Variants in PPP1R12A observed in about 807,000 individuals in gnomAD.
PPP1R12A encodes the protein myosin binding subunit.
Under a neutral mutation model 139.6 loss-of-function variants are expected in PPP1R12A, and 19 were observed. The observed-to-expected ratio is 0.14, with a 90% CI of 0.09 to 0.20. PPP1R12A has a LOEUF of 0.20. Among genes scored for constraint, PPP1R12A ranks in the 10% least tolerant of loss-of-function variants. PPP1R12A has a pLI of 1.00. For missense variants in PPP1R12A, 925 were observed against 1,211.5 expected (o/e 0.76, Z 3.51); for synonymous variants, 427 against 420.6 (o/e 1.02, Z -0.19).
chr12:79,898,176 G>A (rs750970002), intron 1 of PPP1R12A, among the ~76,000 whole-genome samples: 5 of 152,158 alleles, frequency 3.3e-5, no homozygotes, highest in South Asian at 2.1e-4. Context: ...CTGGCCGGGC[G>A]CGGTGGCTCA....
Position 79,906,911 on chromosome 12 carries a change from A to G in PPP1R12A, c.237+27784T>C, listed in dbSNP as rs367628009. On this transcript the variant is annotated intron_variant, in intron 1 of 24. Transcript: ENST00000450142. The stretch of plus-strand genomic sequence containing the variant: ...TTTGCCCGCCTCGGCCTCCCGAGGC[A>G]GGCAAATTACAGTGCTAGGATTACA... Among the ~76,000 whole-genome samples the G allele has an allele frequency of 1.5e-3, 231 of 152,292 alleles. 1 individual carries two copies. In the East Asian group the frequency reaches 0.016, roughly 11 times the overall value.
rs760432462 is a variant in PPP1R12A, at chr12:79,806,316, C to T, written c.1673G>A (p.Arg558Lys). Residue 558 changes from arginine (R) to lysine (K), a missense_variant, in exon 13 of 25, where the codon AGA becomes AAA. By Grantham distance (26) the Arg-to-Lys change is conservative. Around this residue, in one of 4 missense-constraint regions of PPP1R12A, gnomAD observed 403 missense variants for 463.7 expected, o/e 0.87. Coordinates refer to ENST00000450142, the MANE Select transcript of PPP1R12A (RefSeq NM_002480.3). The part of the protein sequence containing the change: ...TYHKSCSFGR[R>K]QDDLISSSVP... Reference sequence around the variant, plus strand: ...ACTAGAACTAATCAAATCATCTTGTCTTCTACCAAAGGAGCAACTAAACAA... The same window carrying T: ...ACTAGAACTAATCAAATCATCTTGTTTTCTACCAAAGGAGCAACTAAACAA... 6.2e-6 allele frequency: 10 copies of T among 1,613,442 alleles called. No individual in the cohort carries two copies. The highest frequency in any genetic ancestry group is 8.5e-6 in the Non-Finnish European group (10 of 1,179,612).
chr12:79,875,262 A>T (rs1882989792), intron 1 of PPP1R12A, among the ~76,000 whole-genome samples: 1 of 152,126 alleles, frequency 6.6e-6, no homozygotes, highest in African/African-American at 2.4e-5. Flanking sequence ...TCATCATCAT[A>T]TTGTCCCTCC....
chr12:79,837,345 T>C (rs2137174756), intron 3 of PPP1R12A, among the ~76,000 whole-genome samples: 1 of 152,196 alleles, frequency 6.6e-6, no homozygotes, highest in South Asian at 2.1e-4. Flanking sequence ...AATTAATGTG[T>C]CCCTAGATAA....
chr12:79,884,025 T>C (rs375593477), intron 1 of PPP1R12A, among the ~76,000 whole-genome samples: 17 of 152,302 alleles, frequency 1.1e-4, no homozygotes, highest in African/African-American at 4.1e-4. Context: ...AGGTGATTCA[T>C]ATATTTGAGT....
At chr12:79,919,278 C>T (rs1038254473) in intron 1 of PPP1R12A, among the ~76,000 whole-genome samples, 2 of 151,916 alleles carry the variant, frequency 1.3e-5, no homozygotes, top group East Asian at 2.0e-4. Flanking sequence ...TCTTCTCAGC[C>T]GGGCGCGGTG....
chr12:79,909,922 A>G (rs1053130214), intron 1 of PPP1R12A, among the ~76,000 whole-genome samples: 14 of 150,756 alleles, frequency 9.3e-5, no homozygotes, highest in Non-Finnish European at 2.1e-4. Context: ...GGCTGTTTTA[A>G]CTCCTGACCT....
intron 17 of PPP1R12A, among the ~76,000 whole-genome samples, chr12:79,796,288 G>T (rs1872505244): frequency 2.0e-5 from 3 of 151,996 alleles, no homozygotes; most frequent in Admixed American, 6.6e-5. Flanking sequence ...ATAGGAAATG[G>T]TAATGAGTAT....
At chr12:79,777,400 A>G in intron 24 of PPP1R12A, 1 of 984,722 alleles carries the variant, frequency 1.0e-6, no homozygotes, top group South Asian at 4.7e-5. Context: ...ATAATTAGTT[A>G]TATGATATGC....
chr12:79,785,220 A>G (rs190464424), intron 22 of PPP1R12A, among the ~76,000 whole-genome samples: 19 of 152,312 alleles, frequency 1.2e-4, no homozygotes, highest in Non-Finnish European at 2.5e-4. Context: ...TATGAAACCT[A>G]TTCTTGTTCT....
intron 1 of PPP1R12A, among the ~76,000 whole-genome samples, chr12:79,920,483 T>G (rs553081857): frequency 6.6e-6 from 1 of 152,188 alleles, no homozygotes; most frequent in Non-Finnish European, 1.5e-5. Flanking sequence ...CAGCAGTGCA[T>G]GAGGGTTCCA....
chr12:79,912,451 G>A (rs566075618), intron 1 of PPP1R12A, among the ~76,000 whole-genome samples: 119 of 152,170 alleles, frequency 7.8e-4, no homozygotes, highest in Middle Eastern at 3.4e-3. Flanking sequence ...CCACACTTTG[G>A]AAGGCCAAGG....
chr12:79,932,281 G>T (rs891158450), intron 1 of PPP1R12A, among the ~76,000 whole-genome samples: 1 of 152,048 alleles, frequency 6.6e-6, no homozygotes, highest in Non-Finnish European at 1.5e-5. Context: ...AAATTTTCTT[G>T]TGTGTGTGTG....
chr12:79,899,269 TA>T (rs1304219418), intron 1 of PPP1R12A, among the ~76,000 whole-genome samples: 4 of 35,838 alleles, frequency 1.1e-4, no homozygotes, highest in African/African-American at 2.1e-4. Context: ...TATATATATA[TA>T]TATATATATA....
At chr12:79,849,984 C>T (rs1398802619) in intron 2 of PPP1R12A, among the ~76,000 whole-genome samples, 1 of 151,876 alleles carries the variant, frequency 6.6e-6, no homozygotes, top group Non-Finnish European at 1.5e-5. Flanking sequence ...CTACAACACC[C>T]AGCTAAATTT....
At chr12:79,927,394 T>C (rs1440539466) in intron 1 of PPP1R12A, among the ~76,000 whole-genome samples, 2 of 152,202 alleles carry the variant, frequency 1.3e-5, no homozygotes, top group Non-Finnish European at 2.9e-5. Flanking sequence ...TTAGGACAAT[T>C]TCGAATTCTG....
At chr12:79,791,783 A>G (rs1844255073) in intron 19 of PPP1R12A, among the ~76,000 whole-genome samples, 1 of 152,180 alleles carries the variant, frequency 6.6e-6, no homozygotes, top group Admixed American at 6.5e-5. Flanking sequence ...TTGCAAAAAT[A>G]AAACTCTATA....
At chr12:79,813,484 TGAATTCA>T (rs1457773858) in intron 9 of PPP1R12A, among the ~76,000 whole-genome samples, 3 of 152,164 alleles carry the variant, frequency 2.0e-5, no homozygotes, top group Non-Finnish European at 2.9e-5. Context: ...GCTATTACAT[TGAATTCA>T]ATTAACCAGA....
intron 24 of PPP1R12A, among the ~76,000 whole-genome samples, chr12:79,776,977 C>T (rs1263528382): frequency 1.3e-5 from 2 of 151,954 alleles, no homozygotes; most frequent in Non-Finnish European, 2.9e-5. Context: ...TTTAATTTTA[C>T]GTGGAACCAA....
Sources: gnomAD v4.1 joint callset for allele counts (sites outside exome capture counted in the v4.1 genomes callset) on GRCh38, gnomAD v4.1.1 for gene constraint, gnomAD v4.1.1 regional missense constraint, MANE v1.5 for transcripts, NCBI Gene and HGNC (gene_info 2026-07-23, HGNC 2026-07-21) for gene names.